Variants in PLAT observed in about 807,000 individuals in gnomAD.
PLAT encodes plasminogen activator, tissue type.
A neutral mutation model predicts 74.9 loss-of-function variants in PLAT; 48 were observed. The observed-to-expected ratio is 0.64, with a 90% confidence interval of 0.51 to 0.82. The LOEUF (loss-of-function observed/expected upper bound fraction) is 0.82, where lower values mean the gene tolerates loss of function less well. PLAT is among the 40% of genes least tolerant of loss of function. The pLI, the probability that PLAT is intolerant of heterozygous loss-of-function variation, is 0.00. For missense variants in PLAT, 673 were observed against 736.2 expected (o/e 0.91, Z 0.99); for synonymous variants, 307 against 294.4 (o/e 1.04, Z -0.44).
intron 1 of PLAT, among the ~76,000 whole-genome samples, chr8:42,194,787 C>T (rs1174455223): frequency 9.5e-6 from 1 of 105,398 alleles, no homozygotes; most frequent in Non-Finnish European, 2.2e-5. Context: ...ACCCAACCTC[C>T]ACGCCCACCC....
At chr8:42,187,822 A>G (rs1805542811) in intron 5 of PLAT, 84 bp downstream of exon 5, 2 of 1,021,610 alleles carry the variant, frequency 2.0e-6, no homozygotes, top group Admixed American at 1.8e-5. Context: ...TGGCCCTGCC[A>G]TCGCACCCTG....
rs1806391339 is a variant in PLAT, at chr8:42,207,498, G to C, written c.-31C>G. The C allele has an allele frequency of 6.6e-6, 1 of 152,294 alleles. No individual in the cohort carries two copies. Among genetic ancestry groups the C allele is most frequent in the African/African-American group, 2.4e-5 (1 of 41,438 alleles). The allele number at this position is 152,294 out of a possible 1,614,324, so 9.4% of individuals were successfully genotyped here. On this transcript the variant is annotated 5_prime_UTR_variant, in exon 1 of 14. Coordinates refer to ENST00000220809, the MANE Select transcript of PLAT (RefSeq NM_000930.5). ...AGGTACAGAAACCCGACCTACCACG[G>C]CTTGCTCCTTCCCTTTCCTCGCAGA...
intron 1 of PLAT, among the ~76,000 whole-genome samples, chr8:42,196,379 C>T (rs1468849771): frequency 2.6e-5 from 4 of 152,208 alleles, no homozygotes; most frequent in Non-Finnish European, 5.9e-5. Context: ...GTGAATCTCA[C>T]CCCAGCAGGG....
intron 1 of PLAT, among the ~76,000 whole-genome samples, chr8:42,205,298 G>C (rs1445261727): frequency 6.6e-6 from 1 of 152,172 alleles, no homozygotes; most frequent in Non-Finnish European, 1.5e-5. Context: ...GGGCCGAGGT[G>C]GGTGGATCAC....
chr8:42,195,611 G>A (rs1483208179), intron 1 of PLAT: 1 of 152,204 alleles, frequency 6.6e-6, no homozygotes, highest in Non-Finnish European at 1.5e-5. Flanking sequence ...CCCAGAACAG[G>A]AGTGCGGGGT....
intron 1 of PLAT, among the ~76,000 whole-genome samples, chr8:42,196,992 G>A (rs1805935052): frequency 6.6e-6 from 1 of 152,190 alleles, no homozygotes; most frequent in Non-Finnish European, 1.5e-5. Flanking sequence ...TATGAGAGGA[G>A]AGGTGGAATG....
chr8:42,185,122 T>C lies in PLAT; in HGVS notation c.590A>G (p.Lys197Arg), dbSNP rs1805401496. The change falls in exon 7 of 14, where the codon AAG becomes AGG. Residue 197 changes from lysine to arginine, a missense_variant. By Grantham distance (26) the Lys-to-Arg change is conservative (BLOSUM62 2). Transcript: ENST00000220809. Reference protein sequence around the residue: ...KPWCYVFKAGKYSSEFCSTPA... With the variant: ...KPWCYVFKAGRYSSEFCSTPA... The stretch of plus-strand genomic sequence containing the variant: ...GGTGCTGCAGAACTCTGAGCTGTAC[T>C]TCCCCGCCTTAAAGACGTAGCACCA... 6.2e-7 allele frequency: 1 copy of C among 1,612,352 alleles called. No individual in the cohort carries two copies. The highest frequency in any genetic ancestry group is 1.3e-5 in the African/African-American group (1 of 74,762).
chr8:42,178,263 TC>T (rs377196045), intron 13 of PLAT, among the ~76,000 whole-genome samples: 2 of 139,666 alleles, frequency 1.4e-5, no homozygotes, highest in South Asian at 2.3e-4. Context: ...AACATTTCTT[TC>T]TTTTTTTTTT....
intron 2 of PLAT, among the ~76,000 whole-genome samples, chr8:42,191,898 G>A (rs565823489): frequency 5.3e-5 from 8 of 151,986 alleles, no homozygotes; most frequent in Non-Finnish European, 1.0e-4. Context: ...TTATTGCTAG[G>A]CATTTTCAGA....
chr8:42,196,224 A>G (rs983578994), intron 1 of PLAT, among the ~76,000 whole-genome samples: 2 of 152,170 alleles, frequency 1.3e-5, no homozygotes, highest in Non-Finnish European at 2.9e-5. Flanking sequence ...CATCATGTTC[A>G]ACCCTTTTGC....
chr8:42,201,972 A>T (rs1280443564), intron 1 of PLAT, among the ~76,000 whole-genome samples: 1 of 152,218 alleles, frequency 6.6e-6, no homozygotes, highest in African/African-American at 2.4e-5. Context: ...GGTGAACATG[A>T]CAGAAAGAGA....
chr8:42,187,110 ATCATCTATC>A, intron 6 of PLAT: 1 of 314,236 alleles, frequency 3.2e-6, no homozygotes, highest in Non-Finnish European at 5.9e-6. Flanking sequence ...CTATCAATCT[ATCATCTATC>A]TATCACCTAT....
At chr8:42,182,333 C>A in intron 8 of PLAT, 2 of 348,278 alleles carry the variant, frequency 5.7e-6, no homozygotes, top group Admixed American at 4.2e-5. Context: ...CAGCACACCC[C>A]CACCCTAGGA....
chr8:42,189,011 G>T lies in PLAT; in HGVS notation c.176C>A (p.Pro59His). ...IYQQHQSWLRPVLRSNRVEYC... is the reference protein window; with the variant it reads ...IYQQHQSWLRHVLRSNRVEYC... ...TTCCACCCGGTTGCTTCTGAGCACA[G>T]GGCGCAGCCATGACTGATGTTGCTG... The change falls in exon 4 of 14, where the codon CCT becomes CAT. Residue 59 changes from proline to histidine, a missense_variant. Physicochemically the swap from Pro to His is moderately conservative, Grantham distance 77. Coordinates refer to ENST00000220809, the MANE Select transcript of PLAT (RefSeq NM_000930.5). 6.2e-7 allele frequency: 1 copy of T among 1,613,956 alleles called. No homozygotes were observed. The highest frequency in any genetic ancestry group is 8.5e-7 in the Non-Finnish European group (1 of 1,179,828).
chr8:42,206,364 A>T (rs1806330622), intron 1 of PLAT, among the ~76,000 whole-genome samples: 1 of 152,176 alleles, frequency 6.6e-6, no homozygotes, highest in African/African-American at 2.4e-5. Flanking sequence ...CACAGGAAGC[A>T]CGCACCCAGC....
At chr8:42,187,693 G>A in intron 5 of PLAT, 121 bp from the exon 6 acceptor site, 1 of 993,396 alleles carries the variant, frequency 1.0e-6, no homozygotes, top group Non-Finnish European at 1.5e-6. Flanking sequence ...GGAAGCCACA[G>A]GCTGGGTGGC....
At chr8:42,180,825 T>C (rs1056395771) in intron 9 of PLAT, 140 bp from the exon 10 acceptor site, 45 of 621,998 alleles carry the variant, frequency 7.2e-5, no homozygotes, top group Non-Finnish European at 1.0e-4. Flanking sequence ...TGTCCATACA[T>C]TCTCTTTAGT....
chr8:42,176,169 G>A lies in PLAT; in HGVS notation c.1531-18C>T. ...GAATCGCCCTGCAAAGGAGATAGCA[G>A]GTTTGGCGTTTGCAAAAAAAGCAGA... On this transcript the variant is annotated intron_variant, in intron 13 of 13. Coordinates refer to ENST00000220809, the MANE Select transcript of PLAT (RefSeq NM_000930.5). 6.2e-7 allele frequency: 1 copy of A among 1,600,392 alleles called. No individual in the cohort carries two copies.
chr8:42,179,155 T>C (rs892734585), intron 12 of PLAT, 92 bp from the exon 13 acceptor site: 2 of 820,124 alleles, frequency 2.4e-6, no homozygotes, highest in Admixed American at 2.2e-5. Flanking sequence ...ATAGCTAACA[T>C]TGATCAAGAT....
Sources: gnomAD v4.1 joint callset for allele counts (sites outside exome capture counted in the v4.1 genomes callset) on GRCh38, gnomAD v4.1.1 for gene constraint, MANE v1.5 for transcripts, NCBI Gene and HGNC (gene_info 2026-07-23, HGNC 2026-07-21) for gene names.